The following ZNF704 variants were observed in gnomAD, a reference collection of about 807,000 sequenced individuals.
ZNF704 encodes glucocorticoid induced gene 1.
A neutral mutation model predicts 44.7 loss-of-function variants in ZNF704; 10 were observed. The ratio of observed to expected loss-of-function variants is 0.22; its 90% CI spans 0.14 to 0.38. The LOEUF (loss-of-function observed/expected upper bound fraction) is 0.38, where lower values mean the gene tolerates loss of function less well. ZNF704 is among the 10% of genes least tolerant of loss of function. The probability of loss-of-function intolerance (pLI) is 1.00; values close to 1 mark genes in which losing one functional copy is unlikely to be tolerated. For synonymous variants in ZNF704, 211 were observed against 207.6 expected (o/e 1.02, Z -0.14); for missense variants, 390 against 545.5 (o/e 0.71, Z 2.84).
intron 2 of ZNF704, among the ~76,000 whole-genome samples, chr8:80,718,205 T>C (rs994316519): frequency 6.6e-6 from 1 of 152,146 alleles, no homozygotes; most frequent in South Asian, 2.1e-4. Context: ...GCTTGGCTTA[T>C]TGAAATTCTG....
chr8:80,676,534 A>T (rs1179559172), intron 4 of ZNF704, among the ~76,000 whole-genome samples: 1 of 152,174 alleles, frequency 6.6e-6, no homozygotes, highest in East Asian at 1.9e-4. Context: ...TGGAGAAGGG[A>T]AAAAAAGGAA....
chr8:80,749,638 G>A (rs1256193874), intron 2 of ZNF704: 1 of 153,244 alleles, frequency 6.5e-6, no homozygotes, highest in Non-Finnish European at 1.5e-5. Flanking sequence ...TGTTTATTCT[G>A]CATGAAGAGA....
intron 2 of ZNF704, among the ~76,000 whole-genome samples, chr8:80,795,202 A>AAATG (rs1807777936): frequency 6.6e-6 from 1 of 152,236 alleles, no homozygotes; most frequent in Non-Finnish European, 1.5e-5. Context: ...GAGACAATGC[A>AAATG]AATGAATGAC....
chr8:80,707,522 A>C (rs1404872626), intron 2 of ZNF704, among the ~76,000 whole-genome samples: 1 of 152,164 alleles, frequency 6.6e-6, no homozygotes, highest in African/African-American at 2.4e-5. Flanking sequence ...TCATATACTC[A>C]AACTCTAACC....
chr8:80,647,173 C>T (rs59018062), intron 7 of ZNF704, among the ~76,000 whole-genome samples: 2 of 152,220 alleles, frequency 1.3e-5, no homozygotes, highest in South Asian at 2.1e-4. Flanking sequence ...ACAATAAATA[C>T]GAAATCACAC....
intron 2 of ZNF704, among the ~76,000 whole-genome samples, chr8:80,816,417 T>A (rs1162959250): frequency 6.6e-6 from 1 of 152,234 alleles, no homozygotes; most frequent in Non-Finnish European, 1.5e-5. Context: ...AAATGTGGTA[T>A]GTCTATGAAA....
chr8:80,717,134 T>C (rs1378264661), intron 2 of ZNF704, among the ~76,000 whole-genome samples: 1 of 152,172 alleles, frequency 6.6e-6, no homozygotes, highest in Non-Finnish European at 1.5e-5. Context: ...AAAATACATG[T>C]GTGAAATGTC....
At chr8:80,687,708 T>C (rs1249808326) in intron 3 of ZNF704, among the ~76,000 whole-genome samples, 2 of 152,230 alleles carry the variant, frequency 1.3e-5, no homozygotes, top group Non-Finnish European at 2.9e-5. Flanking sequence ...GATGTGTTTT[T>C]GTATTGTGCA....
intron 2 of ZNF704, among the ~76,000 whole-genome samples, chr8:80,787,366 C>T (rs907967716): frequency 3.3e-5 from 5 of 152,136 alleles, no homozygotes; most frequent in Admixed American, 6.6e-5. Flanking sequence ...ATCATGTCAC[C>T]GACATGTCAC....
At chr8:80,767,898 G>A (rs949095498) in intron 2 of ZNF704, among the ~76,000 whole-genome samples, 9 of 152,148 alleles carry the variant, frequency 5.9e-5, no homozygotes, top group African/African-American at 2.2e-4. Flanking sequence ...GAATATCTGG[G>A]CCTACTAATC....
chr8:80,702,538 A>G (rs75106560), intron 2 of ZNF704, among the ~76,000 whole-genome samples: 7,299 of 152,124 alleles, frequency 0.048, 236 homozygotes, highest in Middle Eastern at 0.099. Context: ...GGGCATGGAG[A>G]GTGCAAGGTT....
chr8:80,688,201 C>G (rs1025170724), intron 3 of ZNF704, among the ~76,000 whole-genome samples: 5 of 151,300 alleles, frequency 3.3e-5, no homozygotes, highest in Non-Finnish European at 5.9e-5. Flanking sequence ...GAGCGAGATC[C>G]TGTTTCAGAA....
intron 2 of ZNF704, among the ~76,000 whole-genome samples, chr8:80,752,796 C>T (rs577663552): frequency 1.3e-5 from 2 of 152,270 alleles, no homozygotes; most frequent in South Asian, 4.1e-4. Context: ...CCGCCTTGGC[C>T]TCCCAAAGTG....
chr8:80,794,412 G>A (rs1807764463), intron 2 of ZNF704, among the ~76,000 whole-genome samples: 1 of 152,154 alleles, frequency 6.6e-6, no homozygotes, highest in Non-Finnish European at 1.5e-5. Flanking sequence ...AATCACCAAA[G>A]AAACTGCTGT....
At chr8:80,821,304 T>C (rs572025627) in intron 2 of ZNF704, 70 bp downstream of exon 2, 30 of 1,453,054 alleles carry the variant, frequency 2.1e-5, no homozygotes, top group Admixed American at 6.9e-5. Context: ...GTCTGTACAC[T>C]GGCAGAGATT....
chr8:80,635,052 C>T lies in ZNF704; in HGVS notation c.*6314G>A, dbSNP rs1397876489. 6.6e-6 allele frequency: 1 copy of T among 152,170 alleles called. No homozygotes were observed. The highest frequency in any genetic ancestry group is 6.5e-5 in the Admixed American group (1 of 15,282). The allele number at this position is 152,170 out of a possible 1,614,324, so 9.4% of individuals were successfully genotyped here. A position where few individuals can be genotyped will look rare whatever the true frequency, so the allele number is the denominator to read the frequency against. On this transcript the variant is annotated 3_prime_UTR_variant, in exon 9 of 9. Transcript: ENST00000327835. ...ACCAAGGTCTGAGTGACCTTCTGACCACCTCATAAGAGCTGCCCAACGGGT... is the reference window on the plus strand; with the variant it reads ...ACCAAGGTCTGAGTGACCTTCTGACTACCTCATAAGAGCTGCCCAACGGGT...
intron 2 of ZNF704, among the ~76,000 whole-genome samples, chr8:80,759,857 T>A (rs1461363610): frequency 6.6e-6 from 1 of 152,088 alleles, no homozygotes; most frequent in Non-Finnish European, 1.5e-5. Context: ...CTGGTTTCCA[T>A]CAGTCCTCCC....
intron 2 of ZNF704, among the ~76,000 whole-genome samples, chr8:80,755,185 G>A (rs543544976): frequency 1.3e-5 from 2 of 152,190 alleles, no homozygotes; most frequent in South Asian, 4.2e-4. Flanking sequence ...GAAAAAACAG[G>A]GCCTGGCACA....
rs1311641452 is a variant in ZNF704, at chr8:80,629,420, C to G, written c.*11946G>C. On this transcript the variant is annotated 3_prime_UTR_variant, in exon 9 of 9. Coordinates refer to ENST00000327835, the MANE Select transcript of ZNF704 (RefSeq NM_001033723.3). Reference sequence around the variant, plus strand: ...TTAGAAATGCGTGTTTTTTTCCCCCCGTATTTTACAAACAGTTGAGAAACT... The same window carrying G: ...TTAGAAATGCGTGTTTTTTTCCCCCGGTATTTTACAAACAGTTGAGAAACT... 1 of 152,110 alleles carries G rather than the reference C, an allele frequency of 6.6e-6. No individual in the cohort carries two copies. Among genetic ancestry groups the G allele is most frequent in the South Asian group, 2.1e-4 (1 of 4,834 alleles). 9.4% of individuals were successfully genotyped at this position (152,110 alleles called of 1,614,324 possible). A position where few individuals can be genotyped will look rare whatever the true frequency, so the allele number is the denominator to read the frequency against.
Sources: gnomAD v4.1 joint callset for allele counts (sites outside exome capture counted in the v4.1 genomes callset) on GRCh38, gnomAD v4.1.1 for gene constraint, MANE v1.5 for transcripts, NCBI Gene and HGNC (gene_info 2026-07-23, HGNC 2026-07-21) for gene names.